The following ZNF678 variants were observed in gnomAD, a reference collection of about 807,000 sequenced individuals.
The protein encoded by ZNF678 is hypothetical protein MGC42493.
In ZNF678, 5 loss-of-function variants were observed where a neutral mutation model predicts 3.0. The ratio of observed to expected loss-of-function variants is 1.69; its 90% CI spans 0.88 to 3.56. The LOEUF (loss-of-function observed/expected upper bound fraction) is 3.56. Ranked by LOEUF, ZNF678 falls within the 30% of genes most tolerant of loss-of-function variation. The pLI, the probability that ZNF678 is intolerant of heterozygous loss-of-function variation, is 0.00. For synonymous variants in ZNF678, 218 were observed against 199.6 expected, an observed-to-expected ratio of 1.09 and a Z score of -0.78; for missense variants, 593 against 605.0, an observed-to-expected ratio of 0.98 and a Z score of 0.21.
intron 1 of ZNF678, among the ~76,000 whole-genome samples, chr1:227,622,649 TA>T (rs1314727988): frequency 6.6e-6 from 1 of 152,112 alleles, no homozygotes; most frequent in Non-Finnish European, 1.5e-5. Context: ...TGTATGCCTT[TA>T]TTTTTTTACT....
intron 1 of ZNF678, among the ~76,000 whole-genome samples, chr1:227,616,566 A>C (rs1340787641): frequency 6.6e-6 from 1 of 152,162 alleles, no homozygotes; most frequent in African/African-American, 2.4e-5. Flanking sequence ...CATGTTGAAA[A>C]AATTTTTCTA....
At chr1:227,586,579 C>CTCT (rs1427023033) in intron 1 of ZNF678, among the ~76,000 whole-genome samples, 1 of 152,104 alleles carries the variant, frequency 6.6e-6, no homozygotes, top group African/African-American at 2.4e-5. Flanking sequence ...AAATAAGTAA[C>CTCT]TAAGAGTCTG....
At chr1:227,577,838 C>G (rs1305380230) in intron 1 of ZNF678, among the ~76,000 whole-genome samples, 1 of 152,124 alleles carries the variant, frequency 6.6e-6, no homozygotes, top group Non-Finnish European at 1.5e-5. Flanking sequence ...TGTCACTGGT[C>G]TGTGTACTTC....
chr1:227,651,091 C>T lies in ZNF678; in HGVS notation c.85+15C>T. On this transcript the variant is annotated intron_variant, in intron 3 of 3. Coordinates refer to ENST00000343776, the MANE Select transcript of ZNF678 (RefSeq NM_001367909.1). ...GGTTTATACAGGTAAAGATTTTATC[C>T]TATTGGGTCTCCAGGCTGATGAGAT... The T allele has an allele frequency of 6.2e-7, 1 of 1,611,150 alleles. No homozygotes were observed. The highest frequency in any genetic ancestry group is 8.5e-7 in the Non-Finnish European group (1 of 1,178,472).
At chr1:227,564,375 G>A (rs934297305) in intron 1 of ZNF678, among the ~76,000 whole-genome samples, 1 of 152,164 alleles carries the variant, frequency 6.6e-6, no homozygotes, top group Non-Finnish European at 1.5e-5. Context: ...ATGCATTTGA[G>A]CTATTAATAT....
In ZNF678 at chr1:227,655,522, G is replaced by A. The variant is rs1350083967; in HGVS notation, c.1272G>A (p.Lys424=). ...FKQCSHLTSH[K]RIHTGEKPYK... ...AGTGCTCTCACCTAACTAGCCATAAGAGAATTCATACTGGAGAGAAACCCT... is the reference window on the plus strand; with the variant it reads ...AGTGCTCTCACCTAACTAGCCATAAAAGAATTCATACTGGAGAGAAACCCT... Residue 424 remains lysine, a synonymous_variant, in exon 4 of 4, where the codon AAG becomes AAA. Transcript: ENST00000343776. 1 of 1,612,108 alleles carries A rather than the reference G, an allele frequency of 6.2e-7. No homozygotes were observed. Among genetic ancestry groups the A allele is most frequent in the Non-Finnish European group, 8.5e-7 (1 of 1,179,268 alleles).
At chr1:227,674,659 A>G (rs574568645) in intron 5 of ZNF678, among the ~76,000 whole-genome samples, 3 of 149,328 alleles carry the variant, frequency 2.0e-5, no homozygotes, top group Non-Finnish European at 1.5e-5. Context: ...CTGGAGTGCA[A>G]TGGCATGATC....
chr1:227,650,998 A>ACAATAT lies in ZNF678; in HGVS notation c.10_15dup (p.Ile4_Ser5dup), dbSNP rs772276822. The ACAATAT allele has an allele frequency of 1.4e-5, 23 of 1,612,570 alleles. No homozygotes were observed. In the Admixed American group the frequency reaches 3.2e-4, roughly 22 times the overall value. On this transcript the variant is annotated inframe_insertion, in exon 3 of 4. Coordinates refer to ENST00000343776, the MANE Select transcript of ZNF678 (RefSeq NM_001367909.1). ...TAAAATAGAAGCATTGATAATGGGC[A>ACAATAT]CAATATCACTTTGCATTGGTGTCTG... is the stretch of plus-strand genomic sequence containing the variant.
chr1:227,581,812 C>G (rs1381786482), intron 1 of ZNF678, among the ~76,000 whole-genome samples: 1 of 152,200 alleles, frequency 6.6e-6, no homozygotes, highest in African/African-American at 2.4e-5. Flanking sequence ...TGCGTATGTT[C>G]AGCTTTAGTA....
chr1:227,595,849 A>G (rs75335181), intron 1 of ZNF678, among the ~76,000 whole-genome samples: 11,763 of 152,256 alleles, frequency 0.077, 579 homozygotes, highest in Middle Eastern at 0.18. Flanking sequence ...TTCCACTCAA[A>G]TGGAGTAGGC....
At position 227,657,618 on chromosome 1, in the gene ZNF678, G is replaced by T. The variant is rs1000005703; in HGVS notation, c.*1790G>T. 1.3e-5 allele frequency: 2 copies of T among 151,832 alleles called. No individual in the cohort carries two copies. Among genetic ancestry groups the T allele is most frequent in the Non-Finnish European group, 2.9e-5 (2 of 67,846 alleles). The allele number at this position is 151,832 out of a possible 1,614,324, so 9.4% of individuals were successfully genotyped here. ...TTTGAGCCTGTGACCCCTCTGGCCTGTAAAAACACATACATACATTTAGTT... is the reference window on the plus strand; with the variant it reads ...TTTGAGCCTGTGACCCCTCTGGCCTTTAAAAACACATACATACATTTAGTT... On this transcript the variant is annotated 3_prime_UTR_variant, in exon 4 of 4. Coordinates refer to ENST00000343776, the MANE Select transcript of ZNF678 (RefSeq NM_001367909.1).
rs746739221 is a variant in ZNF678 at position 227,646,581 on chromosome 1, C to A, written c.-126C>A. 16 of 1,371,878 alleles carry A rather than the reference C, an allele frequency of 1.2e-5. No individual in the cohort carries two copies. The highest frequency in any genetic ancestry group is 2.1e-4 in the Middle Eastern group (1 of 4,802). The allele number at this position is 1,371,878 out of a possible 1,614,324, so 85.0% of individuals were successfully genotyped here. ...TTCAGTGATGTGGTCATAGAATTCT[C>A]TCCAGAGGAGTGGGCATGCCTGGAC... is the stretch of plus-strand genomic sequence containing the variant. On this transcript the variant is annotated 5_prime_UTR_variant, in exon 2 of 4. Transcript: ENST00000343776.
intron 1 of ZNF678, among the ~76,000 whole-genome samples, chr1:227,591,611 C>G (rs1422313519): frequency 3.3e-5 from 5 of 152,096 alleles, no homozygotes; most frequent in African/African-American, 9.6e-5. Context: ...TTTATGAGCC[C>G]CCACCAGTCT....
chr1:227,589,084 G>T (rs1657340441), intron 1 of ZNF678, among the ~76,000 whole-genome samples: 1 of 147,516 alleles, frequency 6.8e-6, no homozygotes, highest in Non-Finnish European at 1.5e-5. Context: ...CTCCCATTCT[G>T]TAGGTTGTCT....
At chr1:227,671,956 A>G (rs1487342075) in intron 5 of ZNF678, among the ~76,000 whole-genome samples, 1 of 152,248 alleles carries the variant, frequency 6.6e-6, no homozygotes, top group Admixed American at 6.5e-5. Context: ...AAATCAGAGA[A>G]CATTCACGCA....
At chr1:227,592,345 A>G (rs937393415) in intron 1 of ZNF678, among the ~76,000 whole-genome samples, 29 of 152,218 alleles carry the variant, frequency 1.9e-4, no homozygotes, top group African/African-American at 7.0e-4. Context: ...TCTTGTGCTA[A>G]CAGGGCCATT....
At chr1:227,676,674 C>A (rs145421362) in intron 5 of ZNF678, among the ~76,000 whole-genome samples, 1 of 127,770 alleles carries the variant, frequency 7.8e-6, no homozygotes, top group East Asian at 2.8e-4. Context: ...CCTCCCCCCT[C>A]CCCCTCCCCA....
intron 1 of ZNF678, among the ~76,000 whole-genome samples, chr1:227,618,049 G>GT (rs1041161234): frequency 2.0e-5 from 3 of 152,180 alleles, no homozygotes; most frequent in Admixed American, 2.0e-4. Flanking sequence ...TGTCCAGTCT[G>GT]TCAGCAGCAG....
intron 5 of ZNF678, among the ~76,000 whole-genome samples, chr1:227,669,160 A>C (rs2102819636): frequency 6.6e-6 from 1 of 152,260 alleles, no homozygotes; most frequent in Non-Finnish European, 1.5e-5. Flanking sequence ...AATATTCACA[A>C]ACTGCATCCA....
Sources: gnomAD v4.1 joint callset for allele counts (sites outside exome capture counted in the v4.1 genomes callset) on GRCh38, gnomAD v4.1.1 for gene constraint, MANE v1.5 for transcripts, NCBI Gene and HGNC (gene_info 2026-07-23, HGNC 2026-07-21) for gene names.